Variants in RAP1GAP2 observed in about 807,000 individuals in gnomAD.
The protein encoded by RAP1GAP2 is RAP1 GTPase activating protein 2.
RAP1GAP2 carries 27 observed loss-of-function variants against 95.0 expected under a neutral mutation model. That is an observed-to-expected ratio of 0.28 (90% CI 0.21 to 0.39). RAP1GAP2 has a LOEUF of 0.39. RAP1GAP2 is among the 10% of genes least tolerant of loss of function. The pLI, the probability that RAP1GAP2 is intolerant of heterozygous loss-of-function variation, is 1.00. For synonymous variants in RAP1GAP2, 373 were observed against 380.9 expected (o/e 0.98, Z 0.24); for missense variants, 771 against 970.0 (o/e 0.79, Z 2.72).
chr17:2,837,367 A>T (rs540206546), intron 2 of RAP1GAP2, among the ~76,000 whole-genome samples: 1 of 151,894 alleles, frequency 6.6e-6, no homozygotes, highest in South Asian at 2.1e-4. Context: ...CGTATAAACC[A>T]CAAAAACCAA....
At chr17:2,811,272 T>A (rs1427737999) in intron 2 of RAP1GAP2, among the ~76,000 whole-genome samples, 1 of 152,176 alleles carries the variant, frequency 6.6e-6, no homozygotes. Context: ...GATGGACAGC[T>A]AGAGGCGATG....
At chr17:2,761,046 C>T (rs754518686) in intron 1 of RAP1GAP2, among the ~76,000 whole-genome samples, 3 of 151,584 alleles carry the variant, frequency 2.0e-5, no homozygotes, top group African/African-American at 4.8e-5. Context: ...CCTCCGCCTC[C>T]GGGGTTCAAG....
intron 2 of RAP1GAP2, among the ~76,000 whole-genome samples, chr17:2,889,447 G>T (rs2073612100): frequency 6.6e-6 from 1 of 152,148 alleles, no homozygotes; most frequent in African/African-American, 2.4e-5. Context: ...AGGTAGGCTT[G>T]GCCGGGGGAG....
chr17:2,792,100 TC>T (rs34694008), upstream of RAP1GAP2, among the ~76,000 whole-genome samples: 76,098 of 151,726 alleles, frequency 0.5, 19,792 homozygotes, highest in East Asian at 0.73. Context: ...CCTCAGGTGA[TC>T]CGCTTGCCTC....
At chr17:2,974,108 A>G (rs8075204) in intron 8 of RAP1GAP2, among the ~76,000 whole-genome samples, 68,860 of 150,634 alleles carry the variant, frequency 0.46, 16,334 homozygotes, top group African/African-American at 0.58. Context: ...TTGGGAGGCC[A>G]AGGCGGGCGG....
Position 2,980,294 on chromosome 17 carries a change from C to A in RAP1GAP2, c.604C>A (p.Leu202Met), listed in dbSNP as rs17762452. Residue 202 changes from leucine to methionine, a missense_variant, in exon 9 of 25, where the codon CTG (leucine) becomes ATG (methionine). Transcript: ENST00000254695. ...EYLRVILRSKLKTVHERIPLA... is the reference protein window; with the variant it reads ...EYLRVILRSKMKTVHERIPLA... ...TTCTCCCGTCTTGTGCAGGTCCAAACTGAAGACGGTACATGAGCGGATCCC... is the reference window on the plus strand; with the variant it reads ...TTCTCCCGTCTTGTGCAGGTCCAAAATGAAGACGGTACATGAGCGGATCCC... 0.32 allele frequency: 518,075 copies of A among 1,612,264 alleles called. 86,825 individuals are homozygous for A. The highest frequency in any genetic ancestry group is 0.48 in the South Asian group (43,960 of 91,042).
intron 3 of RAP1GAP2, among the ~76,000 whole-genome samples, chr17:2,937,828 CA>C (rs2043349584): frequency 6.6e-6 from 1 of 152,144 alleles, no homozygotes; most frequent in Non-Finnish European, 1.5e-5. Context: ...CCCTGACCTC[CA>C]GCGTCATTTT....
rs1281175473 is a variant in RAP1GAP2 at position 2,980,269 on chromosome 17, T to C, written c.597-18T>C. ...GACTGTTTCTTAGGGATGTCCTTTT[T>C]TCTCCCGTCTTGTGCAGGTCCAAAC... On this transcript the variant is annotated intron_variant, in intron 8 of 24. Transcript: ENST00000254695. 1 of 1,613,098 alleles carries C rather than the reference T, an allele frequency of 6.2e-7. No individual in the cohort carries two copies. The highest frequency in any genetic ancestry group is 2.2e-5 in the East Asian group (1 of 44,830).
At position 2,965,830 on chromosome 17, in the gene RAP1GAP2, G is replaced by T. The variant is rs542082817; in HGVS notation, c.596+187G>T. ...AGTTGCCTAGCAGGGAGACCCACGC[G>T]CTCCACCAGTTAGCTGACAGTCAGA... On this transcript the variant is annotated intron_variant, in intron 8 of 24. Transcript: ENST00000254695. This position sits in a 1 kb window ranked among gnomAD's most constrained non-coding sequence, Gnocchi z 4.7. The T allele has an allele frequency of 6.8e-6, 4 of 587,256 alleles. No homozygotes were observed. Among genetic ancestry groups the T allele is most frequent in the South Asian group, 2.0e-5 (1 of 49,226 alleles). 36.4% of individuals were successfully genotyped at this position (587,256 alleles called of 1,614,324 possible).
intron 2 of RAP1GAP2, among the ~76,000 whole-genome samples, chr17:2,820,950 T>C (rs979843113): frequency 1.3e-5 from 2 of 150,066 alleles, no homozygotes; most frequent in African/African-American, 4.9e-5. Flanking sequence ...TTGGCCAGGC[T>C]GCTCTCGAAC....
chr17:2,845,406 G>A lies in RAP1GAP2; in HGVS notation c.80+44856G>A, dbSNP rs1379730904. Among the ~76,000 whole-genome samples, 3 of 152,066 alleles carry A rather than the reference G, an allele frequency of 2.0e-5. No individual in the cohort carries two copies. In the East Asian group the frequency reaches 5.8e-4, roughly 30 times the overall value. ...GATCCACCTGCCTTGGCCTCCCAAA[G>A]TGCTGGGATTACAGGCATGTAAATG... On this transcript the variant is annotated intron_variant, in intron 2 of 24. Coordinates refer to ENST00000254695, the MANE Select transcript of RAP1GAP2 (RefSeq NM_015085.5).
intron 1 of RAP1GAP2, among the ~76,000 whole-genome samples, chr17:2,787,270 C>T (rs113457559): frequency 0.038 from 3,745 of 99,156 alleles, 65 homozygotes; most frequent in African/African-American, 0.088. Flanking sequence ...TTTTTTTTTT[C>T]TTTTTTTTTT....
At chr17:3,022,237 A>G (rs2046984775) in intron 19 of RAP1GAP2, among the ~76,000 whole-genome samples, 1 of 152,232 alleles carries the variant, frequency 6.6e-6, no homozygotes, top group Admixed American at 6.5e-5. Flanking sequence ...CAGATGTCAC[A>G]GACTCCAAAT....
rs375698244 is a variant in RAP1GAP2 at position 2,904,828 on chromosome 17, G to T, written c.81-456G>T. ...CCATACTTAGAGTAGCACTGCTTTA[G>T]ATTTTGGTGCATTGGAGTAAAGAAA... is the stretch of plus-strand genomic sequence containing the variant. On this transcript the variant is annotated intron_variant, in intron 2 of 24. Coordinates refer to ENST00000254695, the MANE Select transcript of RAP1GAP2 (RefSeq NM_015085.5). The surrounding 1 kb of genome is among the most constrained non-coding windows in gnomAD (Gnocchi z 4.7). Among the ~76,000 whole-genome samples the T allele has an allele frequency of 1.6e-3, 245 of 152,202 alleles. 5 individuals are homozygous for T. The South Asian group carries it at 0.046, about 29-fold the overall frequency.
At position 2,963,364 on chromosome 17, in the gene RAP1GAP2, A is replaced by C; in HGVS notation, c.247-66A>C. Reference sequence around the variant, plus strand: ...AACATATCCCCCTTGCAAGACCTGGAAACAGTGGTCAGACTTTACGGGCAC... The same window carrying C: ...AACATATCCCCCTTGCAAGACCTGGCAACAGTGGTCAGACTTTACGGGCAC... On this transcript the variant is annotated intron_variant, in intron 5 of 24. Coordinates refer to ENST00000254695, the MANE Select transcript of RAP1GAP2 (RefSeq NM_015085.5). This position sits in a 1 kb window ranked among gnomAD's most constrained non-coding sequence, Gnocchi z 4.8. The C allele has an allele frequency of 6.4e-7, 1 of 1,553,750 alleles. No homozygotes were observed. Among genetic ancestry groups the C allele is most frequent in the Non-Finnish European group, 8.8e-7 (1 of 1,131,720 alleles).
chr17:2,816,503 A>C (rs1044651258), intron 2 of RAP1GAP2, among the ~76,000 whole-genome samples: 80 of 151,988 alleles, frequency 5.3e-4, no homozygotes, highest in African/African-American at 1.8e-3. Flanking sequence ...ACACCTGGCT[A>C]ATTTTTATAT....
At chr17:2,829,569 G>C (rs571659453) in intron 2 of RAP1GAP2, among the ~76,000 whole-genome samples, 6 of 152,162 alleles carry the variant, frequency 3.9e-5, no homozygotes, top group Admixed American at 3.3e-4. Flanking sequence ...CAAAGCAGAT[G>C]GCACAGAACA....
At chr17:2,927,141 C>G (rs2042982065) in intron 3 of RAP1GAP2, among the ~76,000 whole-genome samples, 1 of 151,866 alleles carries the variant, frequency 6.6e-6, no homozygotes, top group Non-Finnish European at 1.5e-5. Flanking sequence ...GTTTTCAAGG[C>G]CAGCCACGCT....
At chr17:2,828,545 A>G (rs1341142005) in intron 2 of RAP1GAP2, among the ~76,000 whole-genome samples, 1 of 152,020 alleles carries the variant, frequency 6.6e-6, no homozygotes, top group Non-Finnish European at 1.5e-5. Context: ...ATGAGGAAGG[A>G]GGCCCCTGAA....
Sources: gnomAD v4.1 joint callset for allele counts (sites outside exome capture counted in the v4.1 genomes callset) on GRCh38, gnomAD v4.1.1 for gene constraint, Gnocchi (gnomAD v3.1) non-coding constraint, MANE v1.5 for transcripts, NCBI Gene and HGNC (gene_info 2026-07-23, HGNC 2026-07-21) for gene names.